The following CFAP91 variants were observed in gnomAD, a reference collection of about 807,000 sequenced individuals.
CFAP91 encodes cilia- and flagella-associated protein 91.
In CFAP91, 85 loss-of-function variants were observed where a neutral mutation model predicts 95.9. That is an observed-to-expected ratio of 0.89 (90% CI 0.74 to 1.06). CFAP91 has a LOEUF of 1.06. Among genes scored for constraint, CFAP91 ranks in the 50% least tolerant of loss-of-function variants. The pLI, the probability that CFAP91 is intolerant of heterozygous loss-of-function variation, is 0.00. For missense variants in CFAP91, 962 were observed against 943.4 expected (o/e 1.02, Z -0.26); for synonymous variants, 335 against 327.5 (o/e 1.02, Z -0.25).
At chr3:119,726,497 G>A (rs2053787636) in intron 7 of CFAP91, 149 bp downstream of exon 7, 2 of 693,378 alleles carry the variant, frequency 2.9e-6, no homozygotes, top group Non-Finnish European at 4.6e-6. Flanking sequence ...GTTCTTTCAG[G>A]AGCAGTCACA....
At chr3:119,722,202 AGAT>A (rs1229871843) in intron 6 of CFAP91, among the ~76,000 whole-genome samples, 1 of 150,958 alleles carries the variant, frequency 6.6e-6, no homozygotes, top group Non-Finnish European at 1.5e-5. Flanking sequence ...AAAAGGAAGA[AGAT>A]GAAAGAAAGA....
chr3:119,732,563 A>G, intron 9 of CFAP91, 87 bp downstream of exon 9: 1 of 957,894 alleles, frequency 1.0e-6, no homozygotes. Flanking sequence ...AATTTAGATT[A>G]AAAGCTAAGC....
chr3:119,743,303 A>G (rs1036973887), intron 13 of CFAP91, among the ~76,000 whole-genome samples: 2 of 151,948 alleles, frequency 1.3e-5, no homozygotes, highest in Admixed American at 1.3e-4. Flanking sequence ...TTTTTAGTAA[A>G]GACGGGGTTT....
chr3:119,752,859 C>T (rs1206341933), intron 17 of CFAP91, among the ~76,000 whole-genome samples: 2 of 152,024 alleles, frequency 1.3e-5, no homozygotes, highest in Non-Finnish European at 2.9e-5. Context: ...AGTTGTCAGG[C>T]TAACTACAGA....
At chr3:119,716,932 G>C (rs1191715749) in intron 6 of CFAP91, among the ~76,000 whole-genome samples, 2 of 152,166 alleles carry the variant, frequency 1.3e-5, no homozygotes, top group Non-Finnish European at 2.9e-5. Context: ...TTCAGGCCTA[G>C]ATGGCAAATT....
intron 14 of CFAP91, among the ~76,000 whole-genome samples, chr3:119,745,678 A>G (rs1486516358): frequency 6.6e-6 from 1 of 152,232 alleles, no homozygotes; most frequent in Non-Finnish European, 1.5e-5. Flanking sequence ...GGTGGGCTCT[A>G]TGAGAGCATG....
chr3:119,744,270 A>G lies in CFAP91; in HGVS notation c.1902+74A>G, dbSNP rs1385388263. 1.3e-5 allele frequency: 16 copies of G among 1,228,276 alleles called. No homozygotes were observed. In the East Asian group the frequency reaches 3.4e-4, roughly 26 times the overall value. 76.1% of individuals were successfully genotyped at this position (1,228,276 alleles called of 1,614,324 possible). A position where few individuals can be genotyped will look rare whatever the true frequency, so the allele number is the denominator to read the frequency against. ...TCAAACCAAAGGAAGCTCATGACAT[A>G]AAATGGCATTTGGCTTTTGTTTATG... On this transcript the variant is annotated intron_variant, in intron 14 of 17. Transcript: ENST00000273390.
intron 14 of CFAP91, among the ~76,000 whole-genome samples, chr3:119,746,833 C>T (rs560429489): frequency 1.1e-4 from 16 of 152,298 alleles, no homozygotes; most frequent in African/African-American, 3.6e-4. Flanking sequence ...GTTATTGACT[C>T]TGAAGCCCAT....
chr3:119,734,034 G>T (rs912108731), intron 10 of CFAP91, among the ~76,000 whole-genome samples: 1 of 152,130 alleles, frequency 6.6e-6, no homozygotes, highest in Non-Finnish European at 1.5e-5. Flanking sequence ...TTATGCTGGT[G>T]GTTCTCATTC....
At chr3:119,733,064 A>T (rs964663428) in intron 9 of CFAP91, among the ~76,000 whole-genome samples, 7 of 152,220 alleles carry the variant, frequency 4.6e-5, no homozygotes, top group African/African-American at 1.4e-4. Flanking sequence ...GTGGCACCAC[A>T]TATCATAGAA....
intron 1 of CFAP91, among the ~76,000 whole-genome samples, chr3:119,704,798 T>TTCGTGACATTGTAGCTG (rs895209655): frequency 6.6e-6 from 1 of 152,236 alleles, no homozygotes; most frequent in African/African-American, 2.4e-5. Flanking sequence ...CTCCAATTAC[T>TTCGTGACATTGTAGCTG]TCGTGACATT....
chr3:119,733,598 C>A, intron 10 of CFAP91, 92 bp downstream of exon 10: 1 of 1,298,484 alleles, frequency 7.7e-7, no homozygotes, highest in South Asian at 1.4e-5. Context: ...TCCAGTGGGT[C>A]AAACATAGAC....
chr3:119,764,021 T>C (rs919252694), intron 17 of CFAP91, among the ~76,000 whole-genome samples: 1 of 152,130 alleles, frequency 6.6e-6, no homozygotes, highest in Non-Finnish European at 1.5e-5. Flanking sequence ...GTAGTGCATA[T>C]GTTAATTAGC....
intron 17 of CFAP91, among the ~76,000 whole-genome samples, chr3:119,764,732 T>A (rs763271206): frequency 2.8e-4 from 42 of 152,138 alleles, no homozygotes; most frequent in Non-Finnish European, 1.2e-4. Flanking sequence ...GGACTGGAGT[T>A]CACACCAGGG....
At position 119,751,010 on chromosome 3, in the gene CFAP91, A is replaced by G; in HGVS notation, c.2217A>G (p.Gln739=). The G allele has an allele frequency of 6.2e-7, 1 of 1,613,974 alleles. No individual in the cohort carries two copies. The highest frequency in any genetic ancestry group is 8.5e-7 in the Non-Finnish European group (1 of 1,179,910). ...IIHSYTESMV[Q]KKLTEGEQDE... ...ACAGTTACACGGAAAGCATGGTTCA[A>G]AAGAAATTAACTGAGGGAGAGCAAG... Residue 739 remains glutamine, a synonymous_variant, in exon 17 of 18, where the codon CAA becomes CAG. Coordinates refer to ENST00000273390, the MANE Select transcript of CFAP91 (RefSeq NM_033364.4).
chr3:119,749,799 C>T (rs141866185), intron 16 of CFAP91, among the ~76,000 whole-genome samples: 10 of 152,098 alleles, frequency 6.6e-5, no homozygotes, highest in South Asian at 2.1e-4. Context: ...TATATACAGA[C>T]GATTTTGAGG....
rs770360318 is a variant in CFAP91, at chr3:119,737,625, A to G, written c.1461+143A>G. 10 of 500,942 alleles carry G rather than the reference A, an allele frequency of 2.0e-5. No individual in the cohort carries two copies. The South Asian group carries it at 2.0e-4, about 10-fold the overall frequency. The allele number at this position is 500,942 out of a possible 1,614,324, so 31.0% of individuals were successfully genotyped here. A position where few individuals can be genotyped will look rare whatever the true frequency, so the allele number is the denominator to read the frequency against. On this transcript the variant is annotated intron_variant, in intron 11 of 17. Coordinates refer to ENST00000273390, the MANE Select transcript of CFAP91 (RefSeq NM_033364.4). ...TTAAATATTGTCTTTATTCTTATGT[A>G]TCAAACATCAGACACAGAAAAACAA...
Position 119,733,444 on chromosome 3 carries a change from AC to A in CFAP91, c.1284del (p.Ala430LeufsTer4), listed in dbSNP as rs1257336469. ...AGCTCCAAAACCTAAAGTCATTACCACCAAAGCTGGTTTTCTGAAGAGGGCA... is the reference window on the plus strand; with the variant it reads ...AGCTCCAAAACCTAAAGTCATTACCACAAAGCTGGTTTTCTGAAGAGGGCA... ...IRAPKPKVIT[T>X]KAGFLKRAAR... On this transcript the variant is annotated frameshift_variant, in exon 10 of 18. Transcript: ENST00000273390. LOFTEE classifies it high-confidence loss of function. 6.2e-7 allele frequency: 1 copy of A among 1,613,986 alleles called. No individual in the cohort carries two copies. The highest frequency in any genetic ancestry group is 1.3e-5 in the African/African-American group (1 of 74,922).
chr3:119,703,160 A>T lies in CFAP91; in HGVS notation c.62A>T (p.Tyr21Phe). ...CAGCCGCAGGTGTCTCAAACTCGGT[A>T]CCGGGAGAGGTCGCGGGCTGGGAGC... is the stretch of plus-strand genomic sequence containing the variant. The part of the protein sequence containing the change: ...QAQPQVSQTR[Y>F]RERSRAGSHI... Residue 21 changes from tyrosine to phenylalanine, a missense_variant, in exon 1 of 18, where the codon TAC becomes TTC. Tyr to Phe is a conservative substitution (Grantham distance 22). Transcript: ENST00000273390. 1 of 1,603,878 alleles carries T rather than the reference A, an allele frequency of 6.2e-7. No homozygotes were observed. The highest frequency in any genetic ancestry group is 8.5e-7 in the Non-Finnish European group (1 of 1,175,078).
Sources: allele counts gnomAD v4.1 joint callset (sites outside exome capture counted in the v4.1 genomes callset), GRCh38; gene constraint gnomAD v4.1.1; transcripts MANE v1.5; gene names NCBI Gene and HGNC (gene_info 2026-07-23, HGNC 2026-07-21).